KIF3A: variants seen among roughly 807,000 people sequenced by gnomAD.
KIF3A encodes kinesin family member 3A.
A neutral mutation model predicts 92.6 loss-of-function variants in KIF3A; 27 were observed. The observed-to-expected ratio is 0.29, with a 90% confidence interval of 0.21 to 0.40. The LOEUF (loss-of-function observed/expected upper bound fraction) is 0.40, where lower values mean the gene tolerates loss of function less well. Among genes scored for constraint, KIF3A ranks in the 10% least tolerant of loss-of-function variants. The pLI, the probability that KIF3A is intolerant of heterozygous loss-of-function variation, is 1.00. For synonymous variants in KIF3A, 250 were observed against 275.4 expected (o/e 0.91, Z 0.92); for missense variants, 581 against 872.6 (o/e 0.67, Z 4.21).
At chr5:132,710,291 A>G (rs188881284) in intron 9 of KIF3A, among the ~76,000 whole-genome samples, 271 of 152,298 alleles carry the variant, frequency 1.8e-3, no homozygotes, top group African/African-American at 6.0e-3. Context: ...TTGTTTGTGG[A>G]AAAACTCCAC....
chr5:132,716,752 T>TAA, intron 6 of KIF3A, 93 bp downstream of exon 6: 1 of 1,350,692 alleles, frequency 7.4e-7, no homozygotes, highest in Non-Finnish European at 1.0e-6. Context: ...AAATCATATG[T>TAA]AAATCATACC....
In KIF3A at chr5:132,700,671, A is replaced by G. The variant is rs1279119089; in HGVS notation, c.1914T>C (p.Asn638=). 1.3e-6 allele frequency: 2 copies of G among 1,595,816 alleles called. No individual in the cohort carries two copies. Among genetic ancestry groups the G allele is most frequent in the Non-Finnish European group, 1.7e-6 (2 of 1,163,684 alleles). Residue 638 remains asparagine, a synonymous_variant, in exon 16 of 19, where the codon AAT becomes AAC. Transcript: ENST00000403231. ...CTAGCTGCCATTCTCCTATGTCTTC[A>G]TTCCAATGGACATAGTTTTCAATCA... ...QEMIENYVHW[N]EDIGEWQLKC...
chr5:132,697,702 G>A (rs1358116196), intron 18 of KIF3A: 1 of 152,086 alleles, frequency 6.6e-6, no homozygotes, highest in Non-Finnish European at 1.5e-5. Context: ...AGTAATCCCA[G>A]CTACTCAGGG....
At chr5:132,705,542 GAC>G (rs1162142334) in intron 11 of KIF3A, among the ~76,000 whole-genome samples, 2 of 151,880 alleles carry the variant, frequency 1.3e-5, no homozygotes, top group Non-Finnish European at 2.9e-5. Flanking sequence ...GAAATACAAA[GAC>G]ACATAACTGT....
In KIF3A at chr5:132,716,969, G is replaced by C. The variant is rs750097335; in HGVS notation, c.632C>G (p.Thr211Ser). 4 of 1,613,446 alleles carry C rather than the reference G, an allele frequency of 2.5e-6. No homozygotes were observed. In the Admixed American group the frequency reaches 5.0e-5, roughly 20 times the overall value. The change falls in exon 6 of 19, where the codon ACT (threonine) becomes AGT (serine). Residue 211 changes from threonine (T) to serine (S), a missense_variant. Physicochemically the swap from Thr to Ser is moderately conservative, Grantham distance 58. This residue lies in a region of KIF3A where 217 missense variants were observed against 299.7 expected (regional missense o/e 0.72). Coordinates refer to ENST00000403231, the MANE Select transcript of KIF3A (RefSeq NM_001300791.2). The stretch of plus-strand genomic sequence containing the variant: ...ACGGGAACTATGTTCGTTCATATTA[G>C]TTGCACCAACAGAACCTTTAATAAA... ...LGHKNRSVGA[T>S]NMNEHSSRSH...
intron 10 of KIF3A, among the ~76,000 whole-genome samples, chr5:132,708,195 T>C (rs1753286722): frequency 6.8e-6 from 1 of 146,818 alleles, no homozygotes; most frequent in Non-Finnish European, 1.5e-5. Flanking sequence ...GGCAGGAGAA[T>C]GGCGTGAACC....
downstream of KIF3A, among the ~76,000 whole-genome samples, chr5:132,688,992 C>T (rs543551561): frequency 3.3e-5 from 5 of 152,234 alleles, no homozygotes; most frequent in East Asian, 1.9e-4. Flanking sequence ...GAGCCATAAA[C>T]GTGTTTGGGT....
intron 8 of KIF3A, among the ~76,000 whole-genome samples, chr5:132,713,152 T>C (rs1753487407): frequency 6.6e-6 from 1 of 151,670 alleles, no homozygotes; most frequent in Non-Finnish European, 1.5e-5. Context: ...CGAGACTCTG[T>C]CTCAAAACAA....
chr5:132,700,262 T>C lies in KIF3A; in HGVS notation c.1961A>G (p.Asn654Ser), dbSNP rs1393849810. The C allele has an allele frequency of 6.3e-7, 1 of 1,598,736 alleles. No individual in the cohort carries two copies. The highest frequency in any genetic ancestry group is 8.5e-7 in the Non-Finnish European group (1 of 1,170,990). Reference protein sequence around the residue: ...WQLKCVAYTGNNMRKQTPVPD... With the variant: ...WQLKCVAYTGSNMRKQTPVPD... ...TACTGGGGTTTGCTTCCTCATGTTA[T>C]TTCCTGTATAAGCAACACATTTCTC... Residue 654 changes from asparagine to serine, a missense_variant, in exon 17 of 19, where the codon AAT (asparagine) becomes AGT (serine). By Grantham distance (46) the Asn-to-Ser change is conservative. Coordinates refer to ENST00000403231, the MANE Select transcript of KIF3A (RefSeq NM_001300791.2).
chr5:132,720,705 T>C lies in KIF3A; in HGVS notation c.520A>G (p.Arg174Gly). 1 of 1,594,476 alleles carries C rather than the reference T, an allele frequency of 6.3e-7. No homozygotes were observed. Among genetic ancestry groups the C allele is most frequent in the Non-Finnish European group, 8.6e-7 (1 of 1,165,884 alleles). The change falls in exon 5 of 19, where the codon AGA (arginine) becomes GGA (glycine). Residue 174 changes from arginine to glycine, a missense_variant. Physicochemically the swap from Arg to Gly is moderately radical, Grantham distance 125. Coordinates refer to ENST00000403231, the MANE Select transcript of KIF3A (RefSeq NM_001300791.2). ...DQTQRLEVKERPDVGVYIKDL... is the reference protein window; with the variant it reads ...DQTQRLEVKEGPDVGVYIKDL... ...TTGATATAAACTCCCACATCAGGTC[T>C]TTCTTTAACCTAAAAAAAAATTAAG...
rs1156728575 is a variant in KIF3A at position 132,715,676 on chromosome 5, G to A, written c.1129+81C>T. The A allele has an allele frequency of 5.7e-6, 6 of 1,047,824 alleles. No homozygotes were observed. The African/African-American group carries it at 9.7e-5, about 17-fold the overall frequency. The allele number at this position is 1,047,824 out of a possible 1,614,324, so 64.9% of individuals were successfully genotyped here. On this transcript the variant is annotated intron_variant, in intron 8 of 18. Coordinates refer to ENST00000403231, the MANE Select transcript of KIF3A (RefSeq NM_001300791.2). ...TTAGAGGCTCAAAAAAGGTTTAATA[G>A]AGGGCTTTTGTTAGAACAGTTAGTG...
intron 2 of KIF3A, among the ~76,000 whole-genome samples, chr5:132,730,515 G>A (rs781166521): frequency 7.9e-5 from 12 of 151,552 alleles, no homozygotes; most frequent in South Asian, 2.1e-4. Flanking sequence ...GGCCGGGCAC[G>A]GTAGCTCATG....
intron 18 of KIF3A, among the ~76,000 whole-genome samples, chr5:132,698,655 A>G (rs1009332919): frequency 1.3e-5 from 2 of 152,132 alleles, no homozygotes; most frequent in Non-Finnish European, 2.9e-5. Flanking sequence ...ATTACTCAGA[A>G]GCCTAAGAAG....
intron 8 of KIF3A, among the ~76,000 whole-genome samples, chr5:132,711,330 G>A (rs973350496): frequency 1.3e-5 from 2 of 152,110 alleles, no homozygotes; most frequent in Admixed American, 6.5e-5. Context: ...GGTGGCGCAC[G>A]CCTGTAATCC....
At chr5:132,699,661 C>A in intron 17 of KIF3A, 10 of 404,802 alleles carry the variant, frequency 2.5e-5, no homozygotes, top group South Asian at 1.8e-4. Context: ...TGGGTTCACG[C>A]CATTCTCCTG....
chr5:132,713,888 T>C (rs1301338848), intron 8 of KIF3A, among the ~76,000 whole-genome samples: 1 of 125,152 alleles, frequency 8.0e-6, no homozygotes, highest in East Asian at 2.1e-4. Flanking sequence ...TATTTCACTT[T>C]CTTTTTTTTT....
At chr5:132,706,345 C>A in intron 11 of KIF3A, 106 bp downstream of exon 11, 3 of 649,738 alleles carry the variant, frequency 4.6e-6, no homozygotes, top group South Asian at 3.7e-5. Flanking sequence ...AGATACTTAC[C>A]TGGTAAAAAA....
chr5:132,732,572 CAA>C (rs1754268600), intron 2 of KIF3A, among the ~76,000 whole-genome samples: 1 of 152,042 alleles, frequency 6.6e-6, no homozygotes, highest in Non-Finnish European at 1.5e-5. Context: ...ATCAGGAGTT[CAA>C]AACCAGCCTG....
At chr5:132,700,185 T>C in intron 17 of KIF3A, 31 bp downstream of exon 17, 1 of 1,234,964 alleles carries the variant, frequency 8.1e-7, no homozygotes, top group African/African-American at 1.5e-5. Context: ...TAGTTTTGTG[T>C]TTTGTTTTGT....
Sources: gnomAD v4.1 joint callset for allele counts (sites outside exome capture counted in the v4.1 genomes callset) on GRCh38, gnomAD v4.1.1 for gene constraint, gnomAD v4.1.1 regional missense constraint, MANE v1.5 for transcripts, NCBI Gene and HGNC (gene_info 2026-07-23, HGNC 2026-07-21) for gene names.